Variants in APCDD1L observed in about 807,000 individuals in gnomAD.
APCDD1L encodes the protein protein APCDD1-like.
Under a neutral mutation model 24.2 loss-of-function variants are expected in APCDD1L, and 21 were observed. That is an observed-to-expected ratio of 0.87 (90% CI 0.61 to 1.25). APCDD1L has a LOEUF of 1.25. APCDD1L is among the 50% of genes most tolerant of loss of function. The pLI is 0.00. For synonymous variants in APCDD1L, 321 were observed against 323.6 expected, an observed-to-expected ratio of 0.99 and a Z score of 0.09; for missense variants, 704 against 711.7, an observed-to-expected ratio of 0.99 and a Z score of 0.12.
At chr20:58,465,095 C>T (rs573018700) in intron 3 of APCDD1L, among the ~76,000 whole-genome samples, 1 of 152,298 alleles carries the variant, frequency 6.6e-6, no homozygotes, top group Admixed American at 6.5e-5. Flanking sequence ...CCCCGGGGAT[C>T]TGTCCTCTCT....
chr20:58,514,848 C>A lies in APCDD1L; in HGVS notation c.-141G>T, dbSNP rs1020868523. The A allele has an allele frequency of 5.3e-5, 30 of 568,286 alleles. No individual in the cohort carries two copies. Among genetic ancestry groups the A allele is most frequent in the East Asian group, 1.4e-4 (4 of 27,726 alleles). 35.2% of individuals were successfully genotyped at this position (568,286 alleles called of 1,614,324 possible). ...AGAAGTTGCGAGGGTCCTGCGCCCC[C>A]CTCGGCGCTCACACGCGCTCAGCCT... is the stretch of plus-strand genomic sequence containing the variant. On this transcript the variant is annotated 5_prime_UTR_variant, in exon 1 of 4. Coordinates refer to ENST00000371149, the MANE Select transcript of APCDD1L (RefSeq NM_153360.3).
intron 1 of APCDD1L, among the ~76,000 whole-genome samples, chr20:58,483,048 C>T (rs1469889338): frequency 2.6e-5 from 4 of 152,164 alleles, no homozygotes; most frequent in African/African-American, 9.7e-5. Context: ...GAAGAGGGGC[C>T]TCCAGAGGGG....
At chr20:58,474,022 G>A (rs1442687283) in intron 1 of APCDD1L, among the ~76,000 whole-genome samples, 4 of 152,202 alleles carry the variant, frequency 2.6e-5, no homozygotes, top group Non-Finnish European at 4.4e-5. Context: ...ATATGGACCT[G>A]CCTGGGGCCT....
intron 1 of APCDD1L, among the ~76,000 whole-genome samples, chr20:58,500,273 G>A (rs967157173): frequency 2.0e-5 from 3 of 152,054 alleles, no homozygotes; most frequent in South Asian, 2.1e-4. Context: ...TTTCTACTAC[G>A]TTCTCTTTCT....
At chr20:58,480,450 A>G (rs1990002340) in intron 1 of APCDD1L, among the ~76,000 whole-genome samples, 1 of 152,178 alleles carries the variant, frequency 6.6e-6, no homozygotes, top group Non-Finnish European at 1.5e-5. Flanking sequence ...TTCTCCATGA[A>G]AAGTCTCAGG....
chr20:58,512,735 A>G, intron 1 of APCDD1L, among the ~76,000 whole-genome samples: 1 of 152,148 alleles, frequency 6.6e-6, no homozygotes, highest in South Asian at 2.1e-4. Flanking sequence ...AAGCAAAAGG[A>G]TCTCATCACC....
chr20:58,477,838 T>C (rs1380833608), intron 1 of APCDD1L, among the ~76,000 whole-genome samples: 1 of 152,170 alleles, frequency 6.6e-6, no homozygotes, highest in Non-Finnish European at 1.5e-5. Context: ...CAGGCTGGTC[T>C]TGAACTCCTG....
At chr20:58,501,912 G>T (rs1990443872) in intron 1 of APCDD1L, among the ~76,000 whole-genome samples, 1 of 152,128 alleles carries the variant, frequency 6.6e-6, no homozygotes. Flanking sequence ...TCCTTCAGTT[G>T]GTTCCTCTCA....
intron 1 of APCDD1L, among the ~76,000 whole-genome samples, chr20:58,480,297 G>C (rs769153636): frequency 6.6e-6 from 1 of 152,202 alleles, no homozygotes; most frequent in Non-Finnish European, 1.5e-5. Context: ...TCAGAGAGTT[G>C]AAGGCTGCCC....
chr20:58,495,618 C>T (rs1990306692), intron 1 of APCDD1L, among the ~76,000 whole-genome samples: 1 of 152,200 alleles, frequency 6.6e-6, no homozygotes, highest in South Asian at 2.1e-4. Context: ...CCTGCCCCTT[C>T]TGAGTGAGGT....
Position 58,476,480 on chromosome 20 carries a change from C to T in APCDD1L, c.50-5733G>A, listed in dbSNP as rs117676926. ...CTGGGATTACAGGCGTGAGCCACTGCGCCCTGCCCCAAATACTTATTGAAT... is the reference window on the plus strand; with the variant it reads ...CTGGGATTACAGGCGTGAGCCACTGTGCCCTGCCCCAAATACTTATTGAAT... On this transcript the variant is annotated intron_variant, in intron 1 of 3. Coordinates refer to ENST00000371149, the MANE Select transcript of APCDD1L (RefSeq NM_153360.3). Among the ~76,000 whole-genome samples, 172 of 152,316 alleles carry T rather than the reference C, an allele frequency of 1.1e-3. No individual in the cohort carries two copies. The East Asian group carries it at 0.015, about 14-fold the overall frequency.
chr20:58,478,766 G>C lies in APCDD1L; in HGVS notation c.50-8019C>G, dbSNP rs796172143. 9.2e-5 allele frequency among the ~76,000 whole-genome samples: 14 copies of C among 152,182 alleles called. No homozygotes were observed. The East Asian group carries it at 2.1e-3, about 23-fold the overall frequency. On this transcript the variant is annotated intron_variant, in intron 1 of 3. Transcript: ENST00000371149. ...CATTACAGTCAGGCTTGAAGCAGGA[G>C]AGGAGAAAGACAAGGTTTACAGCTG...
intron 1 of APCDD1L, among the ~76,000 whole-genome samples, chr20:58,505,968 T>C (rs990816641): frequency 2.0e-5 from 3 of 152,158 alleles, no homozygotes; most frequent in African/African-American, 7.2e-5. Flanking sequence ...TACCAGAAGC[T>C]GGAAGAGGCA....
At position 58,467,403 on chromosome 20, in the gene APCDD1L, G is replaced by A. The variant is rs1158317211; in HGVS notation, c.444C>T (p.Arg148=). Residue 148 remains arginine, a synonymous_variant, in exon 3 of 4, where the codon CGC becomes CGT. Transcript: ENST00000371149. The surrounding 1 kb of genome is among the most constrained non-coding windows in gnomAD (Gnocchi z 5.9). ...CCCGGCCGGCGCGGGTCTGGTTGAG[G>A]CGCCCGGTGACGTCGACCAGGGCCC... ...SRRALVDVTG[R]LNQTRAGRDC... The A allele has an allele frequency of 2.0e-6, 3 of 1,535,782 alleles. No individual in the cohort carries two copies. The highest frequency in any genetic ancestry group is 4.0e-5 in the Admixed American group (2 of 49,578).
intron 1 of APCDD1L, among the ~76,000 whole-genome samples, chr20:58,503,649 A>C (rs1990482814): frequency 6.6e-6 from 1 of 152,180 alleles, no homozygotes; most frequent in Admixed American, 6.5e-5. Flanking sequence ...AAGGCAGCTC[A>C]GATTTTGTTT....
intron 1 of APCDD1L, among the ~76,000 whole-genome samples, 188 bp downstream of exon 1, chr20:58,514,471 A>G (rs1990699259): frequency 6.6e-6 from 1 of 152,200 alleles, no homozygotes; most frequent in Non-Finnish European, 1.5e-5. Flanking sequence ...CGCAGGCCCC[A>G]GGAAGCTCCT....
intron 1 of APCDD1L, among the ~76,000 whole-genome samples, chr20:58,487,421 A>C (rs1021232660): frequency 7.9e-5 from 12 of 151,820 alleles, no homozygotes; most frequent in East Asian, 1.9e-4. Context: ...AAAAAAAAAA[A>C]AACAAGAAAG....
intron 1 of APCDD1L, among the ~76,000 whole-genome samples, chr20:58,492,839 C>A (rs1429066614): frequency 1.3e-5 from 2 of 151,812 alleles, no homozygotes; most frequent in African/African-American, 4.8e-5. Flanking sequence ...ACACACAATG[C>A]AAGCACGCAT....
chr20:58,474,333 G>C (rs1380624366), intron 1 of APCDD1L, among the ~76,000 whole-genome samples: 1 of 152,228 alleles, frequency 6.6e-6, no homozygotes, highest in Non-Finnish European at 1.5e-5. Flanking sequence ...CTTGGCCATT[G>C]CCACTCCTCC....
Sources: gnomAD v4.1 joint callset for allele counts (sites outside exome capture counted in the v4.1 genomes callset) on GRCh38, gnomAD v4.1.1 for gene constraint, Gnocchi (gnomAD v3.1) non-coding constraint, MANE v1.5 for transcripts, NCBI Gene and HGNC (gene_info 2026-07-23, HGNC 2026-07-21) for gene names.